LRP1B: variants seen among roughly 807,000 people sequenced by gnomAD.
LRP1B encodes the protein LDL receptor related protein 1B, also known as low-density lipoprotein receptor-related protein 1B.
Under a neutral mutation model 556.6 loss-of-function variants are expected in LRP1B, and 217 were observed. That is an observed-to-expected ratio of 0.39 (90% CI 0.35 to 0.44). The LOEUF is 0.44. Ranked by LOEUF, LRP1B falls within the 20% of genes least tolerant of loss-of-function variation. LRP1B has a pLI of 1.00. For synonymous variants in LRP1B, 2,047 were observed against 1,865.8 expected (o/e 1.10, Z -2.50); for missense variants, 5,053 against 5,620.8 (o/e 0.90, Z 3.23).
chr2:141,998,197 T>C (rs1331129350), intron 1 of LRP1B, among the ~76,000 whole-genome samples: 1 of 152,158 alleles, frequency 6.6e-6, no homozygotes, highest in Non-Finnish European at 1.5e-5. Context: ...TTTAAAACTA[T>C]CTGAATTATA....
Position 141,464,606 on chromosome 2 carries a change from A to ATATATATATTT in LRP1B, c.343+15789_343+15790insAAATATATATA. On this transcript the variant is annotated intron_variant, in intron 3 of 90. Coordinates refer to ENST00000389484, the MANE Select transcript of LRP1B (RefSeq NM_018557.3). Reference sequence around the variant, plus strand: ...TTTGTATATATATATATATATATATATTTTTTTAGTAGAGATGGGGTTTCA... The same window carrying ATATATATATTT: ...TTTGTATATATATATATATATATATATATATATATTTTTTTTTTAGTAGAGATGGGGTTTCA... Among the ~76,000 whole-genome samples, 202 of 90,534 alleles carry ATATATATATTT rather than the reference A, an allele frequency of 2.2e-3. 12 individuals are homozygous for ATATATATATTT. In the South Asian group the frequency reaches 0.03, roughly 13 times the overall value. The allele number at this position is 90,534 out of a possible 152,430, so 59.4% of individuals were successfully genotyped here.
chr2:140,753,544 T>A (rs998536843), intron 35 of LRP1B, among the ~76,000 whole-genome samples: 3 of 152,090 alleles, frequency 2.0e-5, no homozygotes, highest in African/African-American at 7.2e-5. Context: ...GCCCCCTACA[T>A]AACTGGTGAG....
At position 141,324,783 on chromosome 2, in the gene LRP1B, T is replaced by C. The variant is rs116496308; in HGVS notation, c.344-70142A>G. Among the ~76,000 whole-genome samples the C allele has an allele frequency of 5.8e-3, 887 of 152,192 alleles. 9 individuals carry two copies. The highest frequency in any genetic ancestry group is 0.02 in the African/African-American group (824 of 41,558). On this transcript the variant is annotated intron_variant, in intron 3 of 90. Transcript: ENST00000389484. ...TATATTTTAAAATTGGAATAATAAA[T>C]GTGATGCCAACAATCAAGAACACAA... is the stretch of plus-strand genomic sequence containing the variant.
At chr2:140,447,984 C>G (rs892291222) in intron 63 of LRP1B, among the ~76,000 whole-genome samples, 2 of 151,986 alleles carry the variant, frequency 1.3e-5, no homozygotes, top group Non-Finnish European at 2.9e-5. Flanking sequence ...TATGGATATG[C>G]TCTGTGGTGT....
rs545271030 is a variant in LRP1B at position 141,138,601 on chromosome 2, A to G, written c.1013+49820T>C. 2.6e-5 allele frequency among the ~76,000 whole-genome samples: 4 copies of G among 151,970 alleles called. No homozygotes were observed. In the East Asian group the frequency reaches 7.7e-4, roughly 29 times the overall value. ...TCATTTTTTTTTTTACTGGCAAATA[A>G]CAATTGGAAACTAAAATTTTTTTAA... On this transcript the variant is annotated intron_variant, in intron 7 of 90. Coordinates refer to ENST00000389484, the MANE Select transcript of LRP1B (RefSeq NM_018557.3).
At chr2:141,070,115 C>T (rs1699596359) in intron 7 of LRP1B, among the ~76,000 whole-genome samples, 1 of 151,538 alleles carries the variant, frequency 6.6e-6, no homozygotes, top group South Asian at 2.1e-4. Context: ...CATCCATGTC[C>T]CCACAAAGGA....
At chr2:142,034,345 C>A (rs1435692989) in intron 1 of LRP1B, among the ~76,000 whole-genome samples, 1 of 151,468 alleles carries the variant, frequency 6.6e-6, no homozygotes, top group South Asian at 2.1e-4. Flanking sequence ...TTTGCTTTAC[C>A]TCTACACATA....
intron 1 of LRP1B, among the ~76,000 whole-genome samples, chr2:142,073,374 C>G (rs893730279): frequency 6.6e-5 from 10 of 152,048 alleles, no homozygotes; most frequent in Non-Finnish European, 1.5e-5. Context: ...AGACCTAATA[C>G]TACCTTTCAT....
intron 20 of LRP1B, among the ~76,000 whole-genome samples, chr2:140,946,363 G>A (rs1009966112): frequency 6.6e-6 from 1 of 152,122 alleles, no homozygotes; most frequent in Non-Finnish European, 1.5e-5. Context: ...ACTTTGAGAG[G>A]CTGAGGTGGA....
chr2:141,203,648 C>T (rs1172064395), intron 6 of LRP1B, among the ~76,000 whole-genome samples: 1 of 152,140 alleles, frequency 6.6e-6, no homozygotes, highest in Non-Finnish European at 1.5e-5. Flanking sequence ...CAAATACATT[C>T]AGGACTTGAA....
chr2:140,671,141 G>T (rs1358987879), intron 41 of LRP1B, among the ~76,000 whole-genome samples: 1 of 152,130 alleles, frequency 6.6e-6, no homozygotes, highest in Non-Finnish European at 1.5e-5. Flanking sequence ...CAATTATAAA[G>T]GTCAGAAGTC....
chr2:140,865,139 CA>C (rs958201982), intron 27 of LRP1B, among the ~76,000 whole-genome samples: 5 of 151,820 alleles, frequency 3.3e-5, no homozygotes, highest in Admixed American at 1.3e-4. Context: ...CATTAAAAAC[CA>C]AAGAGATCTA....
chr2:141,138,546 T>G (rs1269371713), intron 7 of LRP1B, among the ~76,000 whole-genome samples: 1 of 143,608 alleles, frequency 7.0e-6, no homozygotes, highest in Non-Finnish European at 1.5e-5. Context: ...ATTAGTAAAT[T>G]TAGCAAGATT....
intron 2 of LRP1B, among the ~76,000 whole-genome samples, chr2:141,720,079 C>T (rs778539638): frequency 1.8e-4 from 28 of 152,050 alleles, no homozygotes; most frequent in African/African-American, 2.4e-4. Flanking sequence ...TATCTTCAAA[C>T]AAAATTTACA....
intron 49 of LRP1B, among the ~76,000 whole-genome samples, chr2:140,522,681 A>G (rs1288698071): frequency 2.0e-5 from 3 of 151,574 alleles, no homozygotes; most frequent in Non-Finnish European, 4.4e-5. Context: ...AGATTAACAA[A>G]AAAAAAAGAG....
At position 141,996,803 on chromosome 2, in the gene LRP1B, A is replaced by G. The variant is rs77979031; in HGVS notation, c.82+133845T>C. Among the ~76,000 whole-genome samples, 1,448 of 150,580 alleles carry G rather than the reference A, an allele frequency of 9.6e-3. 10 individuals are homozygous for G. The highest frequency in any genetic ancestry group is 0.015 in the Non-Finnish European group (1,043 of 67,762). On this transcript the variant is annotated intron_variant, in intron 1 of 90. Transcript: ENST00000389484. ...TAGTGAATTCCTTTGGGGTTTTTAT[A>G]TACGCATTTGAAAAATAAATTACTA...
rs747047631 is a variant in LRP1B at position 141,922,960 on chromosome 2, G to A, written c.83-112559C>T. On this transcript the variant is annotated intron_variant, in intron 1 of 90. Transcript: ENST00000389484. ...ACAAAAAATAAAAAATTATCTGGGC[G>A]TAGTGGTGCATGCCTATAGTTCCTT... Among the ~76,000 whole-genome samples the A allele has an allele frequency of 1.1e-3, 168 of 151,830 alleles. 2 individuals are homozygous for A. The highest frequency in any genetic ancestry group is 3.6e-3 in the African/African-American group (148 of 41,346).
intron 35 of LRP1B, among the ~76,000 whole-genome samples, chr2:140,729,669 C>T (rs144358427): frequency 7.4e-4 from 113 of 152,272 alleles, no homozygotes; most frequent in Non-Finnish European, 3.8e-4. Flanking sequence ...CTTCAATCTT[C>T]CCAAAGACTC....
chr2:140,956,065 C>T (rs1695863056), intron 18 of LRP1B, among the ~76,000 whole-genome samples: 1 of 151,626 alleles, frequency 6.6e-6, no homozygotes, highest in South Asian at 2.1e-4. Context: ...TGTACGAGTC[C>T]AGATTTAGGA....
Sources: allele counts gnomAD v4.1 joint callset (sites outside exome capture counted in the v4.1 genomes callset), GRCh38; gene constraint gnomAD v4.1.1; transcripts MANE v1.5; gene names NCBI Gene and HGNC (gene_info 2026-07-23, HGNC 2026-07-21).